The following HS2ST1 variants were observed in gnomAD, a reference collection of about 807,000 sequenced individuals.
The protein encoded by HS2ST1 is heparan sulfate 2-O-sulfotransferase 1.
HS2ST1 carries 18 observed loss-of-function variants against 42.9 expected under a neutral mutation model. That is an observed-to-expected ratio of 0.42 (90% CI 0.29 to 0.62). The LOEUF is 0.62. HS2ST1 is among the 20% of genes least tolerant of loss of function. The probability of loss-of-function intolerance (pLI) is 0.21; values close to 1 mark genes in which losing one functional copy is unlikely to be tolerated. For missense variants in HS2ST1, 334 were observed against 433.8 expected (o/e 0.77, Z 2.04); for synonymous variants, 146 against 152.9 (o/e 0.95, Z 0.33).
At chr1:87,084,629 TCAC>T (rs1344769764) in intron 3 of HS2ST1, among the ~76,000 whole-genome samples, 2 of 152,168 alleles carry the variant, frequency 1.3e-5, no homozygotes, top group East Asian at 3.8e-4. Context: ...AAAAAAGCTC[TCAC>T]TAAGTTATTG....
chr1:87,003,657 A>G (rs1557511900), intron 1 of HS2ST1, among the ~76,000 whole-genome samples: 1 of 152,194 alleles, frequency 6.6e-6, no homozygotes, highest in East Asian at 1.9e-4. Context: ...ACTAATCACA[A>G]TAAAAAATAT....
chr1:87,046,320 C>T lies in HS2ST1; in HGVS notation c.125-26614C>T, dbSNP rs1358823396. 1.1e-5 allele frequency: 8 copies of T among 734,096 alleles called. 1 individual carries two copies. The Admixed American group carries it at 1.4e-4, about 13-fold the overall frequency. 45.5% of individuals were successfully genotyped at this position (734,096 alleles called of 1,614,324 possible). A position where few individuals can be genotyped will look rare whatever the true frequency, so the allele number is the denominator to read the frequency against. On this transcript the variant is annotated intron_variant, in intron 1 of 6. Coordinates refer to ENST00000370550, the MANE Select transcript of HS2ST1 (RefSeq NM_012262.4). ...TCCTGACTGTACAATTTGTAACACACCTTCAGAACCTATACATTGCATCTT... is the reference window on the plus strand; with the variant it reads ...TCCTGACTGTACAATTTGTAACACATCTTCAGAACCTATACATTGCATCTT...
chr1:87,062,370 ATATTT>A (rs1210619688), intron 1 of HS2ST1, among the ~76,000 whole-genome samples: 2 of 151,758 alleles, frequency 1.3e-5, no homozygotes, highest in East Asian at 3.9e-4. Context: ...CTTGTTTTAC[ATATTT>A]TATTATATAA....
At chr1:87,091,144 G>A (rs1651928962) in intron 3 of HS2ST1, among the ~76,000 whole-genome samples, 6 of 151,940 alleles carry the variant, frequency 3.9e-5, no homozygotes, top group Admixed American at 3.9e-4. Flanking sequence ...GTTCATTGCT[G>A]TATTCCTAGT....
At chr1:86,947,076 C>A (rs140747216) in intron 1 of HS2ST1, among the ~76,000 whole-genome samples, 2 of 152,306 alleles carry the variant, frequency 1.3e-5, no homozygotes, top group African/African-American at 4.8e-5. Context: ...CATAGAATGA[C>A]ATGAAGTGGG....
chr1:87,098,794 T>G (rs1355422283), intron 5 of HS2ST1, among the ~76,000 whole-genome samples: 2 of 152,184 alleles, frequency 1.3e-5, no homozygotes, highest in Non-Finnish European at 2.9e-5. Flanking sequence ...TATTTTTTAT[T>G]TTTTTGAGAC....
In HS2ST1 at chr1:86,915,157, C is replaced by A. The variant is rs1257141591; in HGVS notation, c.121C>A (p.Leu41Ile). Residue 41 changes from leucine to isoleucine, a missense_variant, in exon 1 of 7, where the codon CTA (leucine) becomes ATA (isoleucine). Leu to Ile is a conservative substitution (Grantham distance 5, BLOSUM62 2). Transcript: ENST00000370550. ...IQKLEESRSK[L>I]ERAIARHEVR... ...GAAACTGGAGGAGTCCCGCTCGAAG[C>A]TAGGTGAGGAACTGAACTGCCCCGG... 2 of 1,613,150 alleles carry A rather than the reference C, an allele frequency of 1.2e-6. No individual in the cohort carries two copies. Among genetic ancestry groups the A allele is most frequent in the South Asian group, 1.1e-5 (1 of 90,976 alleles).
intron 1 of HS2ST1, among the ~76,000 whole-genome samples, chr1:86,931,649 A>G (rs1267243572): frequency 6.6e-6 from 1 of 152,106 alleles, no homozygotes; most frequent in Non-Finnish European, 1.5e-5. Flanking sequence ...ATGATTTATG[A>G]TAAAGCTTTT....
rs1387000277 is a variant in HS2ST1 at position 87,026,741 on chromosome 1, C to G, written c.125-46193C>G. On this transcript the variant is annotated intron_variant, in intron 1 of 6. Coordinates refer to ENST00000370550, the MANE Select transcript of HS2ST1 (RefSeq NM_012262.4). ...ATGTGTGAAGCCTGTACTACAGCCTCTGGATGAATGGCAACATAAAACTAG... is the reference window on the plus strand; with the variant it reads ...ATGTGTGAAGCCTGTACTACAGCCTGTGGATGAATGGCAACATAAAACTAG... Among the ~76,000 whole-genome samples, 8 of 151,954 alleles carry G rather than the reference C, an allele frequency of 5.3e-5. No individual in the cohort carries two copies. In the South Asian group the frequency reaches 6.2e-4, roughly 12 times the overall value.
intron 3 of HS2ST1, among the ~76,000 whole-genome samples, chr1:87,085,724 A>G (rs1233575931): frequency 6.6e-6 from 1 of 152,220 alleles, no homozygotes; most frequent in Non-Finnish European, 1.5e-5. Flanking sequence ...CCTTTCACCT[A>G]AATGATTTAT....
At chr1:86,980,761 G>T (rs1311901607) in intron 1 of HS2ST1, among the ~76,000 whole-genome samples, 1 of 152,086 alleles carries the variant, frequency 6.6e-6, no homozygotes, top group East Asian at 1.9e-4. Context: ...TGGTCAGTTT[G>T]CAATACTATT....
At chr1:86,980,782 G>C (rs1397798661) in intron 1 of HS2ST1, among the ~76,000 whole-genome samples, 1 of 151,920 alleles carries the variant, frequency 6.6e-6, no homozygotes, top group Non-Finnish European at 1.5e-5. Context: ...AGGATATCGG[G>C]GACAAAATGG....
chr1:87,042,873 G>A (rs1328022302), intron 1 of HS2ST1, among the ~76,000 whole-genome samples: 2 of 152,074 alleles, frequency 1.3e-5, no homozygotes, highest in Non-Finnish European at 2.9e-5. Flanking sequence ...TTACTTTTCT[G>A]ACTTTTTGTT....
intron 1 of HS2ST1, among the ~76,000 whole-genome samples, chr1:86,955,674 T>C (rs1266646912): frequency 6.6e-6 from 1 of 152,138 alleles, no homozygotes; most frequent in Non-Finnish European, 1.5e-5. Flanking sequence ...GGTTTTCTTG[T>C]AATTGAAATA....
intron 1 of HS2ST1, among the ~76,000 whole-genome samples, chr1:87,062,429 G>T (rs1651140578): frequency 6.6e-6 from 1 of 152,066 alleles, no homozygotes; most frequent in Middle Eastern, 3.4e-3. Flanking sequence ...CAATTCAGGT[G>T]AAGTATAGAA....
At chr1:86,944,157 A>G (rs985282312) in intron 1 of HS2ST1, among the ~76,000 whole-genome samples, 1 of 152,186 alleles carries the variant, frequency 6.6e-6, no homozygotes, top group African/African-American at 2.4e-5. Flanking sequence ...CCCTAAAATT[A>G]AGAAAAAAAT....
At position 86,948,184 on chromosome 1, in the gene HS2ST1, C is replaced by T. The variant is rs200946512; in HGVS notation, c.124+33024C>T. 4.6e-5 allele frequency among the ~76,000 whole-genome samples: 7 copies of T among 152,020 alleles called. No individual in the cohort carries two copies. In the East Asian group the frequency reaches 1.4e-3, roughly 29 times the overall value. Reference sequence around the variant, plus strand: ...TTTGGGAGTGCAGGGGGAGAAACATCTCACTATATATCTTTTAGGTTTAGA... The same window carrying T: ...TTTGGGAGTGCAGGGGGAGAAACATTTCACTATATATCTTTTAGGTTTAGA... On this transcript the variant is annotated intron_variant, in intron 1 of 6. Transcript: ENST00000370550.
intron 1 of HS2ST1, among the ~76,000 whole-genome samples, chr1:87,052,648 A>T (rs2100615406): frequency 6.6e-6 from 1 of 152,306 alleles, no homozygotes; most frequent in South Asian, 2.1e-4. Flanking sequence ...GCAGTGAGGA[A>T]GATGGGAAAT....
intron 2 of HS2ST1, among the ~76,000 whole-genome samples, chr1:87,082,207 C>G (rs1193143537): frequency 6.6e-6 from 1 of 152,100 alleles, no homozygotes; most frequent in African/African-American, 2.4e-5. Flanking sequence ...GCTTTTTTCA[C>G]TTTGTGTTGA....
Sources: allele counts gnomAD v4.1 joint callset (sites outside exome capture counted in the v4.1 genomes callset), GRCh38; gene constraint gnomAD v4.1.1; transcripts MANE v1.5; gene names NCBI Gene and HGNC (gene_info 2026-07-23, HGNC 2026-07-21).